The following CCSER1 variants were observed in gnomAD, a reference collection of about 807,000 sequenced individuals.
The protein encoded by CCSER1 is coiled-coil serine rich protein 1, also known as serine-rich coiled-coil domain-containing protein 1.
CCSER1 carries 41 observed loss-of-function variants against 82.0 expected under a neutral mutation model. The ratio of observed to expected loss-of-function variants is 0.50; its 90% confidence interval spans 0.39 to 0.65. CCSER1 has a LOEUF of 0.65. CCSER1 is among the 30% of genes least tolerant of loss of function. The pLI is 0.00. For missense variants in CCSER1, 1,119 were observed against 1,064.2 expected, an observed-to-expected ratio of 1.05 and a Z score of -0.72; for synonymous variants, 414 against 383.9, an observed-to-expected ratio of 1.08 and a Z score of -0.92.
At chr4:91,538,607 A>G (rs1482763262) in intron 10 of CCSER1, among the ~76,000 whole-genome samples, 1 of 149,448 alleles carries the variant, frequency 6.7e-6, no homozygotes, top group African/African-American at 2.5e-5. Flanking sequence ...TCCATTCTCC[A>G]CTTTCTCCTT....
intron 8 of CCSER1, among the ~76,000 whole-genome samples, chr4:90,844,661 C>G (rs62311120): frequency 0.28 from 42,591 of 152,036 alleles, 6,209 homozygotes; most frequent in Middle Eastern, 0.33. Flanking sequence ...TCCCCCACAC[C>G]ACTTGTTTCA....
rs1395625617 is a variant in CCSER1 at position 91,392,894 on chromosome 4, CT to C, written c.2218-205676del. Among the ~76,000 whole-genome samples, 4 of 152,038 alleles carry C rather than the reference CT, an allele frequency of 2.6e-5. No individual in the cohort carries two copies. In the East Asian group the frequency reaches 7.8e-4, roughly 29 times the overall value. On this transcript the variant is annotated intron_variant, in intron 10 of 10. Coordinates refer to ENST00000509176, the MANE Select transcript of CCSER1 (RefSeq NM_001145065.2). ...GAGTGCCTCAGAATCACTTGAAGGG[CT>C]TGTGTAAAGTGATAAAGAGATGGCT...
chr4:90,297,584 G>C (rs1043733609), intron 1 of CCSER1, among the ~76,000 whole-genome samples: 2 of 148,474 alleles, frequency 1.3e-5, no homozygotes, highest in Admixed American at 6.7e-5. Context: ...TTTTCAAAGG[G>C]AATGCTTCCA....
intron 10 of CCSER1, among the ~76,000 whole-genome samples, chr4:91,116,244 T>TA (rs1726584198): frequency 6.6e-6 from 1 of 152,098 alleles, no homozygotes; most frequent in Admixed American, 6.5e-5. Context: ...TATGCAGCCA[T>TA]AAAAAATGAC....
chr4:90,750,195 C>G (rs1418920013), intron 7 of CCSER1, among the ~76,000 whole-genome samples: 3 of 151,822 alleles, frequency 2.0e-5, no homozygotes, highest in Non-Finnish European at 4.4e-5. Flanking sequence ...GATATTAGCC[C>G]TTTGTCAGAT....
chr4:91,298,122 C>T (rs1449219394), intron 10 of CCSER1, among the ~76,000 whole-genome samples: 2 of 151,940 alleles, frequency 1.3e-5, no homozygotes, highest in Non-Finnish European at 1.5e-5. Flanking sequence ...TTACTATTAA[C>T]TGTGATTATG....
At chr4:91,022,364 G>T (rs1046469048) in intron 9 of CCSER1, among the ~76,000 whole-genome samples, 15 of 152,060 alleles carry the variant, frequency 9.9e-5, no homozygotes, top group African/African-American at 2.9e-4. Flanking sequence ...AGTATTCCAT[G>T]GTGTATGGTG....
intron 6 of CCSER1, among the ~76,000 whole-genome samples, chr4:90,689,600 A>T (rs1280898552): frequency 1.3e-5 from 2 of 152,094 alleles, no homozygotes; most frequent in Non-Finnish European, 2.9e-5. Flanking sequence ...TGTTACCCAA[A>T]TTCAAGCAGT....
chr4:91,136,492 A>G (rs183511081), intron 10 of CCSER1, among the ~76,000 whole-genome samples: 122 of 152,260 alleles, frequency 8.0e-4, no homozygotes, highest in Admixed American at 1.2e-3. Flanking sequence ...TCCATCTCCC[A>G]TCCTGACCTA....
chr4:91,005,571 T>A (rs1738433175), intron 9 of CCSER1, among the ~76,000 whole-genome samples: 1 of 152,182 alleles, frequency 6.6e-6, no homozygotes, highest in Non-Finnish European at 1.5e-5. Context: ...AAAACCACCT[T>A]ATTAAAAAAT....
chr4:91,569,396 T>C (rs1484751949), intron 10 of CCSER1, among the ~76,000 whole-genome samples: 2 of 152,166 alleles, frequency 1.3e-5, no homozygotes, highest in Non-Finnish European at 2.9e-5. Context: ...TGGTTGGAGC[T>C]GAGGATTGTT....
At chr4:91,223,703 G>A (rs1438050304) in intron 10 of CCSER1, among the ~76,000 whole-genome samples, 1 of 151,982 alleles carries the variant, frequency 6.6e-6, no homozygotes, top group African/African-American at 2.4e-5. Context: ...GAAGATTGGA[G>A]ACACATAATG....
intron 3 of CCSER1, among the ~76,000 whole-genome samples, chr4:90,360,294 C>T (rs1293100743): frequency 3.4e-5 from 5 of 148,426 alleles, no homozygotes; most frequent in Admixed American, 1.3e-4. Context: ...TTTGGGAGGC[C>T]GAGGCGGGCG....
At chr4:91,092,803 G>T (rs4693259) in intron 10 of CCSER1, among the ~76,000 whole-genome samples, 14,576 of 152,124 alleles carry the variant, frequency 0.096, 943 homozygotes, top group East Asian at 0.27. Context: ...TGAGGGAGTA[G>T]GGGGGCTGTG....
chr4:91,284,233 A>G (rs529131368), intron 10 of CCSER1, among the ~76,000 whole-genome samples: 25 of 152,256 alleles, frequency 1.6e-4, no homozygotes, highest in Admixed American at 3.9e-4. Context: ...GACTTCTTAT[A>G]TCATGCACAG....
chr4:90,694,886 A>G (rs192593694), intron 6 of CCSER1, among the ~76,000 whole-genome samples: 10 of 151,630 alleles, frequency 6.6e-5, no homozygotes, highest in Admixed American at 2.6e-4. Flanking sequence ...ATGATCCTCA[A>G]TTTTACAGAG....
At chr4:91,397,691 T>C (rs1028548620) in intron 10 of CCSER1, among the ~76,000 whole-genome samples, 1 of 152,010 alleles carries the variant, frequency 6.6e-6, no homozygotes, top group South Asian at 2.1e-4. Context: ...GAAGGCTTCA[T>C]TGAGGAAGTG....
chr4:91,342,965 T>G (rs2149289779), intron 10 of CCSER1, among the ~76,000 whole-genome samples: 1 of 152,228 alleles, frequency 6.6e-6, no homozygotes, highest in Admixed American at 6.5e-5. Flanking sequence ...GTTTATTATA[T>G]TTTTATATGT....
chr4:90,932,299 G>A (rs972627061), intron 9 of CCSER1, among the ~76,000 whole-genome samples: 1 of 152,074 alleles, frequency 6.6e-6, no homozygotes, highest in African/African-American at 2.4e-5. Flanking sequence ...ATTATTTTAT[G>A]AGTTCTCTGT....
Sources: allele counts gnomAD v4.1 joint callset (sites outside exome capture counted in the v4.1 genomes callset), GRCh38; gene constraint gnomAD v4.1.1; transcripts MANE v1.5; gene names NCBI Gene and HGNC (gene_info 2026-07-23, HGNC 2026-07-21).